OPCML: variants seen among roughly 807,000 people sequenced by gnomAD.
The protein encoded by OPCML is opioid binding protein/cell adhesion molecule like.
A neutral mutation model predicts 37.8 loss-of-function variants in OPCML; 13 were observed. That is an observed-to-expected ratio of 0.34 (90% CI 0.22 to 0.55). OPCML has a LOEUF of 0.55. Ranked by LOEUF, OPCML falls within the 20% of genes least tolerant of loss-of-function variation. The probability of loss-of-function intolerance (pLI) is 0.91; values close to 1 mark genes in which losing one functional copy is unlikely to be tolerated. For missense variants in OPCML, 341 were observed against 435.6 expected (o/e 0.78, Z 1.93); for synonymous variants, 176 against 168.8 (o/e 1.04, Z -0.33).
intron 7 of OPCML, among the ~76,000 whole-genome samples, chr11:132,431,720 G>A (rs951872179): frequency 2.0e-5 from 3 of 152,052 alleles, no homozygotes; most frequent in Non-Finnish European, 4.4e-5. Context: ...ATTTTCCTTT[G>A]CTCTTTGCTT....
chr11:133,253,362 T>G (rs190310619), intron 1 of OPCML, among the ~76,000 whole-genome samples: 1 of 152,228 alleles, frequency 6.6e-6, no homozygotes, highest in East Asian at 1.9e-4. Context: ...CAGGCTGGAG[T>G]GCAGTGGTGC....
At chr11:133,239,604 G>C (rs1214076070) in intron 1 of OPCML, among the ~76,000 whole-genome samples, 1 of 152,224 alleles carries the variant, frequency 6.6e-6, no homozygotes, top group South Asian at 2.1e-4. Context: ...CCCGCTGCCT[G>C]CCAAGTGAGA....
chr11:133,424,942 T>C (rs891434115), intron 1 of OPCML, among the ~76,000 whole-genome samples: 14 of 152,222 alleles, frequency 9.2e-5, no homozygotes, highest in African/African-American at 3.4e-4. Context: ...CCATAAAGCA[T>C]GATTTTTCCT....
At chr11:132,618,998 C>T (rs1366820362) in intron 3 of OPCML, among the ~76,000 whole-genome samples, 2 of 131,760 alleles carry the variant, frequency 1.5e-5, no homozygotes, top group African/African-American at 5.8e-5. Flanking sequence ...CACACACACA[C>T]ACCGTGTTTA....
At chr11:133,260,582 C>T (rs1227068246) in intron 1 of OPCML, among the ~76,000 whole-genome samples, 1 of 152,132 alleles carries the variant, frequency 6.6e-6, no homozygotes, top group Non-Finnish European at 1.5e-5. Context: ...AAGAAAAAAT[C>T]TGCAGTGGAA....
intron 1 of OPCML, among the ~76,000 whole-genome samples, chr11:133,246,698 C>T (rs191613282): frequency 6.6e-6 from 1 of 152,286 alleles, no homozygotes. Flanking sequence ...CACTCAGAAA[C>T]TTTTCAACGT....
intron 1 of OPCML, among the ~76,000 whole-genome samples, chr11:132,986,694 T>G (rs1044354221): frequency 1.3e-5 from 2 of 152,166 alleles, no homozygotes; most frequent in Non-Finnish European, 2.9e-5. Context: ...TTTAGAAAGA[T>G]TTTCTTCTTT....
At chr11:132,788,817 G>A (rs983737865) in intron 2 of OPCML, among the ~76,000 whole-genome samples, 32 of 152,266 alleles carry the variant, frequency 2.1e-4, no homozygotes, top group African/African-American at 6.7e-4. Context: ...CAGGCCATCC[G>A]ACATAGTCCA....
Position 133,173,174 on chromosome 11 carries a change from T to G in OPCML, c.62-230164A>C, listed in dbSNP as rs538370717. ...TAAAAAAATTACATGTGAGGGAATA[T>G]TTCATATGAATTCCTAAGAAAATGT... is the stretch of plus-strand genomic sequence containing the variant. On this transcript the variant is annotated intron_variant, in intron 1 of 7. Coordinates refer to ENST00000524381, the MANE Select transcript of OPCML (RefSeq NM_001012393.5). The surrounding 1 kb of genome is among the most constrained non-coding windows in gnomAD (Gnocchi z 7.8). Among the ~76,000 whole-genome samples the G allele has an allele frequency of 6.6e-5, 10 of 152,334 alleles. No individual in the cohort carries two copies. In the South Asian group the frequency reaches 2.1e-3, roughly 32 times the overall value.
At chr11:133,138,819 G>C (rs903500508) in intron 1 of OPCML, among the ~76,000 whole-genome samples, 6 of 152,140 alleles carry the variant, frequency 3.9e-5, no homozygotes, top group African/African-American at 1.4e-4. Flanking sequence ...CATTCATAGA[G>C]ATGCCTACAT....
Position 133,532,291 on chromosome 11 carries a change from C to T in OPCML, c.34G>A (p.Ala12Thr). ...GGGATGAAGAGCAGGGCAGTTGTCG[C>T]CGAGAAGACGACCCAGTAGGCAGGA... ...YHPAYWVVFS[A>T]TTALLFIPGV... Residue 12 changes from alanine to threonine, a missense_variant, in exon 1 of 8, where the codon GCG becomes ACG. Coordinates refer to ENST00000524381, the MANE Select transcript of OPCML (RefSeq NM_001012393.5). 1.2e-6 allele frequency: 2 copies of T among 1,614,000 alleles called. No homozygotes were observed. The highest frequency in any genetic ancestry group is 1.7e-6 in the Non-Finnish European group (2 of 1,179,954).
intron 1 of OPCML, among the ~76,000 whole-genome samples, chr11:133,192,546 G>A (rs932488198): frequency 6.6e-6 from 1 of 152,172 alleles, no homozygotes; most frequent in Admixed American, 6.5e-5. Context: ...TCCACCGCTG[G>A]TTGCCTATTC....
intron 2 of OPCML, among the ~76,000 whole-genome samples, chr11:132,762,740 C>T (rs555975110): frequency 6.6e-6 from 1 of 152,262 alleles, no homozygotes; most frequent in Admixed American, 6.5e-5. Flanking sequence ...TGAATCATAG[C>T]TTTTTGGGCT....
intron 1 of OPCML, among the ~76,000 whole-genome samples, chr11:133,455,777 T>C (rs1189858515): frequency 1.3e-5 from 2 of 152,162 alleles, no homozygotes; most frequent in Non-Finnish European, 2.9e-5. Context: ...AATGACTTTA[T>C]ATGAGCTCTG....
At chr11:132,778,926 T>C (rs1037076677) in intron 2 of OPCML, among the ~76,000 whole-genome samples, 1 of 151,756 alleles carries the variant, frequency 6.6e-6, no homozygotes, top group Non-Finnish European at 1.5e-5. Flanking sequence ...TGATATACGA[T>C]TAATAACACT....
At chr11:132,778,973 T>C (rs1946901870) in intron 2 of OPCML, among the ~76,000 whole-genome samples, 1 of 144,984 alleles carries the variant, frequency 6.9e-6, no homozygotes, top group Non-Finnish European at 1.5e-5. Flanking sequence ...TTTTTTTTTT[T>C]TTTTTTTTTT....
chr11:133,136,754 G>A (rs1026520774), intron 1 of OPCML, among the ~76,000 whole-genome samples: 5 of 151,984 alleles, frequency 3.3e-5, no homozygotes, highest in African/African-American at 4.8e-5. Flanking sequence ...AATTTAGGAT[G>A]TGGCTCGATT....
At chr11:133,437,090 CATCT>C (rs1946249688) in intron 1 of OPCML, among the ~76,000 whole-genome samples, 1 of 152,190 alleles carries the variant, frequency 6.6e-6, no homozygotes, top group Admixed American at 6.5e-5. Context: ...GTTTTTAGCA[CATCT>C]ATCTAATTTA....
At chr11:133,494,531 C>T (rs12287370) in intron 1 of OPCML, among the ~76,000 whole-genome samples, 21 of 146,936 alleles carry the variant, frequency 1.4e-4, no homozygotes, top group Admixed American at 4.1e-4. Context: ...CCATGGAATA[C>T]TATGCAGCCA....
Sources: allele counts gnomAD v4.1 joint callset (sites outside exome capture counted in the v4.1 genomes callset), GRCh38; gene constraint gnomAD v4.1.1; non-coding constraint Gnocchi (gnomAD v3.1); transcripts MANE v1.5; gene names NCBI Gene and HGNC (gene_info 2026-07-23, HGNC 2026-07-21).